The following GEMIN2 variants were observed in gnomAD, a reference collection of about 807,000 sequenced individuals.
GEMIN2 encodes gem-associated protein 2.
A neutral mutation model predicts 45.8 loss-of-function variants in GEMIN2; 37 were observed. The observed-to-expected ratio is 0.81, with a 90% CI of 0.62 to 1.06. The LOEUF (loss-of-function observed/expected upper bound fraction) is 1.06, where lower values mean the gene tolerates loss of function less well. Ranked by LOEUF, GEMIN2 falls within the 50% of genes least tolerant of loss-of-function variation. The pLI, the probability that GEMIN2 is intolerant of heterozygous loss-of-function variation, is 0.00. For missense variants in GEMIN2, 335 were observed against 321.8 expected, an observed-to-expected ratio of 1.04 and a Z score of -0.31; for synonymous variants, 101 against 111.5, an observed-to-expected ratio of 0.91 and a Z score of 0.60.
Position 39,136,631 on chromosome 14 carries a change from G to A in GEMIN2, c.*152G>A, listed in dbSNP as rs2052785487. ...CCTGTGCAATTCAGATTGATACTCAGAATATGGGTTGATTTGAATATCTGA... is the reference window on the plus strand; with the variant it reads ...CCTGTGCAATTCAGATTGATACTCAAAATATGGGTTGATTTGAATATCTGA... On this transcript the variant is annotated 3_prime_UTR_variant, in exon 10 of 10. Coordinates refer to ENST00000308317, the MANE Select transcript of GEMIN2 (RefSeq NM_003616.3). 8.5e-6 allele frequency: 5 copies of A among 586,918 alleles called. No individual in the cohort carries two copies. The East Asian group carries it at 1.4e-4, about 16-fold the overall frequency. The allele number at this position is 586,918 out of a possible 1,614,324, so 36.4% of individuals were successfully genotyped here. A position where few individuals can be genotyped will look rare whatever the true frequency, so the allele number is the denominator to read the frequency against.
intron 5 of GEMIN2, 109 bp downstream of exon 5, chr14:39,122,652 T>C (rs1033977404): frequency 8.9e-5 from 49 of 549,888 alleles, no homozygotes; most frequent in Non-Finnish European, 1.5e-4. Context: ...TCATGGCCTT[T>C]TTTATATCCA....
intron 5 of GEMIN2, among the ~76,000 whole-genome samples, chr14:39,124,651 T>A (rs1047012781): frequency 1.3e-5 from 2 of 151,966 alleles, no homozygotes; most frequent in African/African-American, 4.8e-5. Context: ...CATGCACCTG[T>A]GGTCCTAGCT....
intron 9 of GEMIN2, among the ~76,000 whole-genome samples, chr14:39,135,614 A>AT (rs1255983350): frequency 1.3e-5 from 2 of 151,798 alleles, no homozygotes; most frequent in Non-Finnish European, 2.9e-5. Context: ...GAAAAAAAAA[A>AT]GGAAAGCTGG....
chr14:39,118,412 T>C (rs373382721), intron 3 of GEMIN2, 128 bp from the exon 4 acceptor site: 42 of 630,102 alleles, frequency 6.7e-5, no homozygotes, highest in African/African-American at 5.2e-4. Flanking sequence ...ACATGGTCTT[T>C]TACATCTCAC....
In GEMIN2 at chr14:39,125,059, A is replaced by G. The variant is rs370272790; in HGVS notation, c.531+23A>G. 4.4e-6 allele frequency: 5 copies of G among 1,125,348 alleles called. No individual in the cohort carries two copies. In the African/African-American group the frequency reaches 7.7e-5, roughly 17 times the overall value. 69.7% of individuals were successfully genotyped at this position (1,125,348 alleles called of 1,614,324 possible). A position where few individuals can be genotyped will look rare whatever the true frequency, so the allele number is the denominator to read the frequency against. On this transcript the variant is annotated intron_variant, in intron 6 of 9. Transcript: ENST00000308317. Reference sequence around the variant, plus strand: ...CAGGTAAAATTAATAATAGAGATATATGCATTCTTTTGTTTGCATTGTGTG... The same window carrying G: ...CAGGTAAAATTAATAATAGAGATATGTGCATTCTTTTGTTTGCATTGTGTG...
At chr14:39,128,111 G>A (rs1028030852) in intron 6 of GEMIN2, among the ~76,000 whole-genome samples, 169 bp from the exon 7 acceptor site, 2 of 140,908 alleles carry the variant, frequency 1.4e-5, no homozygotes, top group South Asian at 4.6e-4. Flanking sequence ...TGGATAAGCC[G>A]CCTAATCAAA....
intron 2 of GEMIN2, among the ~76,000 whole-genome samples, chr14:39,116,439 C>T (rs2052507825): frequency 7.2e-6 from 1 of 138,586 alleles, no homozygotes; most frequent in Non-Finnish European, 1.5e-5. Flanking sequence ...GATGGAGTCT[C>T]AGAGTCTCGC....
intron 6 of GEMIN2, among the ~76,000 whole-genome samples, chr14:39,127,867 C>G (rs367901469): frequency 6.6e-6 from 1 of 151,806 alleles, no homozygotes; most frequent in African/African-American, 2.4e-5. Flanking sequence ...GTCGAGAGTT[C>G]GACCAGCCTG....
At position 39,128,067 on chromosome 14, in the gene GEMIN2, C is replaced by CAAAAAAAAAA. The variant is rs1212260025; in HGVS notation, c.532-196_532-187dup. Reference sequence around the variant, plus strand: ...TGGGCAACAGAGTGAGACTCTATCTCAAAAAAAAAAAAAAAAAAAAAAAAA... The same window carrying CAAAAAAAAAA: ...TGGGCAACAGAGTGAGACTCTATCTCAAAAAAAAAAAAAAAAAAAAAAAAAAAAAAAAAAA... On this transcript the variant is annotated intron_variant, in intron 6 of 9. Transcript: ENST00000308317. Among the ~76,000 whole-genome samples the CAAAAAAAAAA allele has an allele frequency of 3.8e-4, 4 of 10,564 alleles. 2 individuals are homozygous for CAAAAAAAAAA. 6.9% of individuals were successfully genotyped at this position (10,564 alleles called of 152,430 possible).
At chr14:39,118,515 TA>T in intron 3 of GEMIN2, 24 bp from the exon 4 acceptor site, 1 of 1,106,878 alleles carries the variant, frequency 9.0e-7, no homozygotes, top group Non-Finnish European at 1.4e-6. Flanking sequence ...GAGTACCATC[TA>T]ATGTCTAAGT....
chr14:39,133,161 T>G (rs1403220046), intron 8 of GEMIN2, among the ~76,000 whole-genome samples: 1 of 107,652 alleles, frequency 9.3e-6, no homozygotes, highest in Admixed American at 1.1e-4. Context: ...TCTATATATA[T>G]CCTCACATAT....
rs1162485883 is a variant in GEMIN2 at position 39,123,708 on chromosome 14, A to ATTT, written c.486+1193_486+1195dup. On this transcript the variant is annotated intron_variant, in intron 5 of 9. Transcript: ENST00000308317. ...TAGCTATATATATATATATATATAT[A>ATTT]TTTTTTTTTTTTTTTTTTTTTTTTT... Among the ~76,000 whole-genome samples the ATTT allele has an allele frequency of 3.7e-3, 140 of 37,704 alleles. 28 individuals are homozygous for ATTT. The highest frequency in any genetic ancestry group is 0.017 in the African/African-American group (134 of 7,692). 24.7% of individuals were successfully genotyped at this position (37,704 alleles called of 152,430 possible). A position where few individuals can be genotyped will look rare whatever the true frequency, so the allele number is the denominator to read the frequency against.
chr14:39,114,487 G>T lies in GEMIN2; in HGVS notation c.137+12G>T. On this transcript the variant is annotated intron_variant, in intron 1 of 9. Coordinates refer to ENST00000308317, the MANE Select transcript of GEMIN2 (RefSeq NM_003616.3). The stretch of plus-strand genomic sequence containing the variant: ...CTGAGGCGGGTCCAGTGAGTGATTC[G>T]GCCCTGGGCGGGTGGGCTGGTCTTC... The T allele has an allele frequency of 1.2e-6, 2 of 1,604,584 alleles. No individual in the cohort carries two copies. The highest frequency in any genetic ancestry group is 1.3e-5 in the African/African-American group (1 of 74,834).
chr14:39,132,690 T>TTTG (rs2052733402), intron 8 of GEMIN2, among the ~76,000 whole-genome samples: 1 of 136,244 alleles, frequency 7.3e-6, no homozygotes, highest in African/African-American at 2.7e-5. Context: ...TTTTTTTCTT[T>TTTG]TATTGTGAGA....
intron 9 of GEMIN2, among the ~76,000 whole-genome samples, chr14:39,136,061 C>T (rs2052777535): frequency 6.6e-6 from 1 of 152,120 alleles, no homozygotes. Context: ...CCACTGCACT[C>T]CAGCCTGGGT....
intron 8 of GEMIN2, among the ~76,000 whole-genome samples, chr14:39,133,164 TCA>T (rs1160507377): frequency 1.1e-5 from 1 of 90,812 alleles, no homozygotes; most frequent in African/African-American, 3.5e-5. Flanking sequence ...ATATATATCC[TCA>T]CATATATTGT....
chr14:39,123,708 A>AT lies in GEMIN2; in HGVS notation c.486+1195dup, dbSNP rs1162485883. The stretch of plus-strand genomic sequence containing the variant: ...TAGCTATATATATATATATATATAT[A>AT]TTTTTTTTTTTTTTTTTTTTTTTTT... On this transcript the variant is annotated intron_variant, in intron 5 of 9. Coordinates refer to ENST00000308317, the MANE Select transcript of GEMIN2 (RefSeq NM_003616.3). Among the ~76,000 whole-genome samples, 151 of 37,700 alleles carry AT rather than the reference A, an allele frequency of 4.0e-3. 27 individuals carry two copies. The highest frequency in any genetic ancestry group is 0.018 in the African/African-American group (140 of 7,688). The allele number at this position is 37,700 out of a possible 152,430, so 24.7% of individuals were successfully genotyped here.
rs192224525 is a variant in GEMIN2, at chr14:39,128,609, A to G, written c.600+261A>G. ...CAGCTCAAGCAATCCTCCTGCCTCAATCTCCTGAGTAGCTGGGACTACAGG... is the reference window on the plus strand; with the variant it reads ...CAGCTCAAGCAATCCTCCTGCCTCAGTCTCCTGAGTAGCTGGGACTACAGG... On this transcript the variant is annotated intron_variant, in intron 7 of 9. Coordinates refer to ENST00000308317, the MANE Select transcript of GEMIN2 (RefSeq NM_003616.3). Among the ~76,000 whole-genome samples, 678 of 148,872 alleles carry G rather than the reference A, an allele frequency of 4.6e-3. 7 individuals carry two copies. Among genetic ancestry groups the G allele is most frequent in the African/African-American group, 0.016 (650 of 40,248 alleles).
At chr14:39,128,067 CAAAAAAAAAA>C (rs1212260025) in intron 6 of GEMIN2, among the ~76,000 whole-genome samples, 2 of 10,552 alleles carry the variant, frequency 1.9e-4, no homozygotes, top group Admixed American at 1.0e-3. Context: ...GACTCTATCT[CAAAAAAAAAA>C]AAAAAAAAAA....
Sources: gnomAD v4.1 joint callset for allele counts (sites outside exome capture counted in the v4.1 genomes callset) on GRCh38, gnomAD v4.1.1 for gene constraint, MANE v1.5 for transcripts, NCBI Gene and HGNC (gene_info 2026-07-23, HGNC 2026-07-21) for gene names.